The following ASTN2 variants were observed in gnomAD, a reference collection of about 807,000 sequenced individuals.
The protein encoded by ASTN2 is astrotactin 2.
In ASTN2, 54 loss-of-function variants were observed where a neutral mutation model predicts 139.8. The ratio of observed to expected loss-of-function variants is 0.39; its 90% CI spans 0.31 to 0.48. The LOEUF is 0.48. Ranked by LOEUF, ASTN2 falls within the 20% of genes least tolerant of loss-of-function variation. ASTN2 has a pLI of 0.95. For missense variants in ASTN2, 1,565 were observed against 1,725.1 expected (o/e 0.91, Z 1.64); for synonymous variants, 756 against 719.5 (o/e 1.05, Z -0.81).
chr9:117,291,632 T>C, intron 1 of ASTN2, 119 bp from the exon 2 acceptor site: 1 of 787,718 alleles, frequency 1.3e-6, no homozygotes, highest in East Asian at 2.7e-5. Flanking sequence ...CAGGATACCT[T>C]TCCTCACATC....
intron 1 of ASTN2, among the ~76,000 whole-genome samples, chr9:117,298,175 G>A (rs1834782251): frequency 6.6e-6 from 1 of 152,090 alleles, no homozygotes; most frequent in South Asian, 2.1e-4. Flanking sequence ...AGACACACAA[G>A]GCCCTTCCTG....
At position 116,805,613 on chromosome 9, in the gene ASTN2, G is replaced by T; in HGVS notation, c.2396+19C>A. On this transcript the variant is annotated intron_variant, in intron 13 of 22. Coordinates refer to ENST00000313400, the MANE Select transcript of ASTN2 (RefSeq NM_001365068.1). ...TGTCAGTGACTCAGACAAGCAATGT[G>T]CAAGTATCTACAGCATACCTAAAGG... The T allele has an allele frequency of 6.2e-7, 1 of 1,609,564 alleles. No individual in the cohort carries two copies. The highest frequency in any genetic ancestry group is 1.1e-5 in the South Asian group (1 of 90,620).
intron 1 of ASTN2, among the ~76,000 whole-genome samples, chr9:117,323,259 C>A (rs1310623636): frequency 6.6e-6 from 1 of 152,092 alleles, no homozygotes; most frequent in Non-Finnish European, 1.5e-5. Flanking sequence ...CTGATCTGTG[C>A]ACAGTCTGTC....
chr9:117,359,890 C>T (rs1829646337), intron 1 of ASTN2, among the ~76,000 whole-genome samples: 1 of 152,006 alleles, frequency 6.6e-6, no homozygotes, highest in Non-Finnish European at 1.5e-5. Context: ...CTAGATCAAG[C>T]AATAATAAGT....
At chr9:116,800,704 T>C (rs939880146) in intron 13 of ASTN2, among the ~76,000 whole-genome samples, 24 of 152,170 alleles carry the variant, frequency 1.6e-4, no homozygotes, top group Admixed American at 1.5e-3. Flanking sequence ...GGAGCACTGG[T>C]TTGGGAGTCA....
At chr9:116,623,161 G>C (rs1856256955) in intron 17 of ASTN2, among the ~76,000 whole-genome samples, 2 of 61,464 alleles carry the variant, frequency 3.3e-5, no homozygotes, top group East Asian at 9.9e-4. Context: ...GTGTGTGTGT[G>C]TGTGTGTGTG....
At chr9:117,068,761 A>C (rs1828023953) in intron 5 of ASTN2, among the ~76,000 whole-genome samples, 1 of 130,036 alleles carries the variant, frequency 7.7e-6, no homozygotes, top group East Asian at 2.9e-4. Flanking sequence ...CGAGGAATTT[A>C]TCCATTTCTT....
intron 11 of ASTN2, among the ~76,000 whole-genome samples, chr9:116,845,309 C>A (rs1427275255): frequency 6.6e-6 from 1 of 152,076 alleles, no homozygotes; most frequent in African/African-American, 2.4e-5. Context: ...TTAGTAGAGA[C>A]GGGGTTTCAC....
intron 13 of ASTN2, among the ~76,000 whole-genome samples, chr9:116,734,655 T>C (rs1828877809): frequency 6.6e-6 from 1 of 152,166 alleles, no homozygotes; most frequent in Non-Finnish European, 1.5e-5. Flanking sequence ...ATGGTCAACC[T>C]TGAAATGAAA....
intron 10 of ASTN2, among the ~76,000 whole-genome samples, chr9:116,884,312 G>C (rs919409904): frequency 1.4e-4 from 22 of 152,144 alleles, no homozygotes; most frequent in African/African-American, 5.3e-4. Flanking sequence ...CTGCTAGTGT[G>C]AGAGGACTTG....
chr9:116,781,028 C>T (rs564518955), intron 13 of ASTN2, among the ~76,000 whole-genome samples: 8 of 152,052 alleles, frequency 5.3e-5, no homozygotes, highest in African/African-American at 9.6e-5. Context: ...TTAGTAGAGA[C>T]GGGGTTTCTC....
intron 10 of ASTN2, among the ~76,000 whole-genome samples, chr9:116,970,767 C>T (rs530542724): frequency 7.9e-5 from 12 of 152,238 alleles, no homozygotes; most frequent in Admixed American, 6.5e-4. Flanking sequence ...ATTCTTTCAG[C>T]GTTGTTCAGG....
intron 1 of ASTN2, among the ~76,000 whole-genome samples, chr9:117,299,418 G>A (rs1834820687): frequency 1.3e-5 from 2 of 152,176 alleles, no homozygotes; most frequent in Admixed American, 1.3e-4. Flanking sequence ...AAAGCTTAGA[G>A]GAAAGGAGAT....
intron 11 of ASTN2, among the ~76,000 whole-genome samples, chr9:116,847,956 T>C (rs1467980695): frequency 6.6e-6 from 1 of 152,180 alleles, no homozygotes; most frequent in Non-Finnish European, 1.5e-5. Flanking sequence ...TCCACTCAGG[T>C]CTGCACTGCT....
intron 19 of ASTN2, among the ~76,000 whole-genome samples, chr9:116,602,916 C>CGA (rs1278618237): frequency 1.3e-5 from 2 of 152,074 alleles, no homozygotes; most frequent in African/African-American, 4.8e-5. Context: ...GGTGACAGAG[C>CGA]GAGACCTCCA....
intron 19 of ASTN2, among the ~76,000 whole-genome samples, chr9:116,491,821 A>G (rs1352139278): frequency 6.6e-6 from 1 of 152,206 alleles, no homozygotes; most frequent in African/African-American, 2.4e-5. Context: ...GCAACCATAC[A>G]ATTGAATGAG....
intron 7 of ASTN2, among the ~76,000 whole-genome samples, chr9:117,003,530 G>GGTGTGTGTGTGTGTGTGTGT (rs11271769): frequency 0.029 from 2,971 of 103,246 alleles, 284 homozygotes; most frequent in East Asian, 0.058. Flanking sequence ...TCTAAAGAGT[G>GGTGTGTGTGTGTGTGTGTGT]GTGTGTGTGT....
intron 16 of ASTN2, among the ~76,000 whole-genome samples, chr9:116,672,901 T>C (rs1447453045): frequency 1.3e-5 from 2 of 152,208 alleles, no homozygotes; most frequent in African/African-American, 2.4e-5. Flanking sequence ...TTATTAATAA[T>C]AACAAATGCA....
chr9:117,130,014 T>A lies in ASTN2; in HGVS notation c.1168+11312A>T, dbSNP rs116493873. ...ATATAACTGAATTTTGTTTAATATA[T>A]CCTATCACAGGGCCAGGCATGGTGG... On this transcript the variant is annotated intron_variant, in intron 4 of 22. Coordinates refer to ENST00000313400, the MANE Select transcript of ASTN2 (RefSeq NM_001365068.1). 6.8e-3 allele frequency among the ~76,000 whole-genome samples: 1,034 copies of A among 152,286 alleles called. 11 individuals carry two copies. Among genetic ancestry groups the A allele is most frequent in the African/African-American group, 0.023 (975 of 41,562 alleles).
Sources: gnomAD v4.1 joint callset for allele counts (sites outside exome capture counted in the v4.1 genomes callset) on GRCh38, gnomAD v4.1.1 for gene constraint, MANE v1.5 for transcripts, NCBI Gene and HGNC (gene_info 2026-07-23, HGNC 2026-07-21) for gene names.